Variants in OSBPL8 observed in about 807,000 individuals in gnomAD.
OSBPL8 encodes the protein oxysterol binding protein like 8, also known as oxysterol-binding protein-related protein 8.
A neutral mutation model predicts 125.5 loss-of-function variants in OSBPL8; 59 were observed. The observed-to-expected ratio is 0.47, with a 90% confidence interval of 0.38 to 0.58. The LOEUF (loss-of-function observed/expected upper bound fraction) is 0.58. OSBPL8 is among the 20% of genes least tolerant of loss of function. OSBPL8 has a pLI of 0.00. For synonymous variants in OSBPL8, 330 were observed against 338.9 expected, an observed-to-expected ratio of 0.97 and a Z score of 0.29; for missense variants, 758 against 1,047.8, an observed-to-expected ratio of 0.72 and a Z score of 3.82.
In OSBPL8 at chr12:76,373,370, C is replaced by T. The variant is rs1952692737; in HGVS notation, c.1891G>A (p.Val631Ile). 1 of 1,607,640 alleles carries T rather than the reference C, an allele frequency of 6.2e-7. No homozygotes were observed. The highest frequency in any genetic ancestry group is 2.2e-5 in the East Asian group (1 of 44,558). The change falls in exon 18 of 24, where the codon GTC (valine) becomes ATC (isoleucine). Residue 631 changes from valine (V) to isoleucine (I), a missense_variant. This residue lies in a region of OSBPL8 where 572 missense variants were observed against 762.0 expected (regional missense o/e 0.75). Transcript: ENST00000261183. ...ISGKLKLGKEVLATLEGHWDS... is the reference protein window; with the variant it reads ...ISGKLKLGKEILATLEGHWDS... ...CAATGACCTTCCAAAGTAGCTAGGA[C>T]TTCTTTTCCCAGTTTAAGTTTCCCT...
At chr12:76,472,457 TAAGAG>T (rs916181726) in intron 2 of OSBPL8, among the ~76,000 whole-genome samples, 1 of 152,034 alleles carries the variant, frequency 6.6e-6, no homozygotes, top group African/African-American at 2.4e-5. Flanking sequence ...GACAAAGAGA[TAAGAG>T]AAAAGACAGC....
Position 76,550,866 on chromosome 12 carries a change from A to G in OSBPL8, c.-68+8531T>C, listed in dbSNP as rs533753066. ...CTGTAATCCCAACATTTTGGGAGGC[A>G]GGAGTTCAAATTCAGCCTATGCAAA... On this transcript the variant is annotated intron_variant, in intron 1 of 23. Transcript: ENST00000261183. Among the ~76,000 whole-genome samples, 304 of 152,318 alleles carry G rather than the reference A, an allele frequency of 2.0e-3. 2 individuals are homozygous for G. Among genetic ancestry groups the G allele is most frequent in the African/African-American group, 7.0e-3 (289 of 41,578 alleles).
chr12:76,391,186 A>G (rs1312243025), intron 10 of OSBPL8, among the ~76,000 whole-genome samples: 1 of 152,240 alleles, frequency 6.6e-6, no homozygotes, highest in Non-Finnish European at 1.5e-5. Context: ...ATAAACAATT[A>G]TATTAAATTC....
chr12:76,432,038 C>T (rs1309785476), intron 4 of OSBPL8, among the ~76,000 whole-genome samples: 1 of 151,990 alleles, frequency 6.6e-6, no homozygotes, highest in Non-Finnish European at 1.5e-5. Flanking sequence ...ATCTTTATCA[C>T]AAAGGAACGA....
At position 76,397,626 on chromosome 12, in the gene OSBPL8, G is replaced by A. The variant is rs1027088662; in HGVS notation, c.672+68C>T. On this transcript the variant is annotated intron_variant, in intron 8 of 23. Transcript: ENST00000261183. ...GGCAGAGGACTAAACTCATTTGATT[G>A]ATGTATCTCAGTTCTATTCATGGAT... 2.1e-6 allele frequency: 3 copies of A among 1,423,524 alleles called. No individual in the cohort carries two copies. In the African/African-American group the frequency reaches 4.3e-5, roughly 20 times the overall value. 88.2% of individuals were successfully genotyped at this position (1,423,524 alleles called of 1,614,324 possible).
At chr12:76,522,222 T>C (rs1341805574) in intron 1 of OSBPL8, among the ~76,000 whole-genome samples, 1 of 151,528 alleles carries the variant, frequency 6.6e-6, no homozygotes, top group Non-Finnish European at 1.5e-5. Flanking sequence ...TGAAGTAAAA[T>C]AGACTACAAG....
chr12:76,461,761 C>A (rs1052475027), intron 2 of OSBPL8, among the ~76,000 whole-genome samples: 4 of 152,040 alleles, frequency 2.6e-5, no homozygotes, highest in African/African-American at 9.7e-5. Context: ...GTTGAGACTG[C>A]AGCAATGCCC....
chr12:76,390,366 A>T, intron 11 of OSBPL8, 54 bp downstream of exon 11: 1 of 1,270,480 alleles, frequency 7.9e-7, no homozygotes, highest in Non-Finnish European at 1.1e-6. Context: ...AATTTCATTT[A>T]AGAATTCCCA....
chr12:76,547,890 T>G (rs1055910137), intron 1 of OSBPL8, among the ~76,000 whole-genome samples: 2 of 151,998 alleles, frequency 1.3e-5, no homozygotes, highest in African/African-American at 4.8e-5. Flanking sequence ...AAACAAAAAC[T>G]ATGAAGCAAG....
intron 4 of OSBPL8, among the ~76,000 whole-genome samples, chr12:76,415,606 T>C (rs1326638293): frequency 5.9e-5 from 9 of 152,216 alleles, no homozygotes; most frequent in Admixed American, 5.9e-4. Flanking sequence ...TCCGTTTCTT[T>C]TAAGAACAAT....
At chr12:76,370,386 G>A (rs893438643) in intron 19 of OSBPL8, among the ~76,000 whole-genome samples, 3 of 152,148 alleles carry the variant, frequency 2.0e-5, no homozygotes, top group African/African-American at 4.8e-5. Context: ...AAAGACTACT[G>A]AGGTAAAATG....
In OSBPL8 at chr12:76,478,341, CA is replaced by C. The variant is rs202204129; in HGVS notation, c.42+9168del. 2.6e-4 allele frequency among the ~76,000 whole-genome samples: 38 copies of C among 148,528 alleles called. No homozygotes were observed. In the East Asian group the frequency reaches 2.8e-3, roughly 11 times the overall value. ...AATATAAAGTACCATGGTATTATTA[CA>C]AAAAAAAAATAATTTTTACCCCTCA... is the stretch of plus-strand genomic sequence containing the variant. On this transcript the variant is annotated intron_variant, in intron 2 of 23. Coordinates refer to ENST00000261183, the MANE Select transcript of OSBPL8 (RefSeq NM_020841.5).
chr12:76,558,901 G>A (rs1033851904), intron 1 of OSBPL8, among the ~76,000 whole-genome samples: 3 of 152,198 alleles, frequency 2.0e-5, no homozygotes, highest in Non-Finnish European at 2.9e-5. Context: ...AGAAGGCCGG[G>A]AGAACTGAGG....
At chr12:76,386,924 C>T (rs536085233) in intron 12 of OSBPL8, among the ~76,000 whole-genome samples, 6 of 152,144 alleles carry the variant, frequency 3.9e-5, no homozygotes, top group South Asian at 2.1e-4. Flanking sequence ...ACTCTCCAAA[C>T]CAAGGTTTCT....
intron 4 of OSBPL8, among the ~76,000 whole-genome samples, chr12:76,442,486 T>C (rs1872301440): frequency 1.3e-5 from 2 of 152,108 alleles, no homozygotes; most frequent in Admixed American, 1.3e-4. Context: ...AAATTACAGA[T>C]ATTTAATGCA....
At chr12:76,483,660 C>CTTTTTTTTTTTTTTT (rs869202382) in intron 2 of OSBPL8, among the ~76,000 whole-genome samples, 1 of 57,438 alleles carries the variant, frequency 1.7e-5, no homozygotes, top group African/African-American at 8.0e-5. Flanking sequence ...CTGTAATAGT[C>CTTTTTTTTTTTTTTT]TTTTTTTTTT....
rs144669181 is a variant in OSBPL8, at chr12:76,386,992, G to A, written c.1353-332C>T. 5.9e-3 allele frequency among the ~76,000 whole-genome samples: 897 copies of A among 152,186 alleles called. 4 individuals are homozygous for A. Among genetic ancestry groups the A allele is most frequent in the African/African-American group, 0.019 (799 of 41,534 alleles). On this transcript the variant is annotated intron_variant, in intron 12 of 23. Coordinates refer to ENST00000261183, the MANE Select transcript of OSBPL8 (RefSeq NM_020841.5). ...TAGGGGCTCTGTGAAAATTGTGATT[G>A]AAAAAAATAAACATGGATTTTGGAT...
chr12:76,440,121 A>G (rs1324008287), intron 4 of OSBPL8, among the ~76,000 whole-genome samples: 1 of 152,128 alleles, frequency 6.6e-6, no homozygotes. Flanking sequence ...CCTTAATCAG[A>G]CAGTTGTTGT....
intron 4 of OSBPL8, among the ~76,000 whole-genome samples, chr12:76,442,763 C>T (rs1431775900): frequency 1.3e-5 from 2 of 152,142 alleles, no homozygotes; most frequent in African/African-American, 2.4e-5. Flanking sequence ...GGAGGAACTG[C>T]TTCAATTCAT....
Sources: gnomAD v4.1 joint callset for allele counts (sites outside exome capture counted in the v4.1 genomes callset) on GRCh38, gnomAD v4.1.1 for gene constraint, gnomAD v4.1.1 regional missense constraint, MANE v1.5 for transcripts, NCBI Gene and HGNC (gene_info 2026-07-23, HGNC 2026-07-21) for gene names.